The following KAZN variants were observed in gnomAD, a reference collection of about 807,000 sequenced individuals.
KAZN encodes kazrin.
A neutral mutation model predicts 87.4 loss-of-function variants in KAZN; 40 were observed. The ratio of observed to expected loss-of-function variants is 0.46; its 90% confidence interval spans 0.36 to 0.60. The LOEUF (loss-of-function observed/expected upper bound fraction) is 0.60, where lower values mean the gene tolerates loss of function less well. KAZN is among the 20% of genes least tolerant of loss of function. The pLI is 0.00. For synonymous variants in KAZN, 466 were observed against 458.3 expected (o/e 1.02, Z -0.22); for missense variants, 898 against 1,073.9 (o/e 0.84, Z 2.29).
chr1:14,123,606 GAAAT>G (rs1156509314), intron 1 of KAZN, among the ~76,000 whole-genome samples: 1 of 152,226 alleles, frequency 6.6e-6, no homozygotes, highest in Non-Finnish European at 1.5e-5. Flanking sequence ...TTCTCATTAT[GAAAT>G]AAATAGGCAA....
chr1:14,470,498 C>A (rs2148368680), intron 2 of KAZN, among the ~76,000 whole-genome samples: 1 of 152,290 alleles, frequency 6.6e-6, no homozygotes, highest in South Asian at 2.1e-4. Flanking sequence ...TTACAGTGGG[C>A]AGTTTTCTTG....
intron 1 of KAZN, among the ~76,000 whole-genome samples, chr1:14,766,515 T>C (rs940404722): frequency 6.6e-6 from 1 of 150,984 alleles, no homozygotes; most frequent in African/African-American, 2.4e-5. Context: ...GTAATCCTAG[T>C]ATATTACAGA....
intron 1 of KAZN, among the ~76,000 whole-genome samples, chr1:14,890,015 T>A (rs185840671): frequency 2.0e-5 from 3 of 152,342 alleles, no homozygotes; most frequent in Admixed American, 2.0e-4. Flanking sequence ...GGGCTTTTTA[T>A]GTCGTCAACC....
At chr1:14,502,977 T>G (rs901581324) in intron 2 of KAZN, among the ~76,000 whole-genome samples, 4 of 152,120 alleles carry the variant, frequency 2.6e-5, no homozygotes, top group Non-Finnish European at 4.4e-5. Context: ...CTCCTGTGCT[T>G]CTTCTTGGAT....
Position 14,325,713 on chromosome 1 carries a change from T to C in KAZN, c.249+145121T>C, listed in dbSNP as rs189185403. Among the ~76,000 whole-genome samples the C allele has an allele frequency of 2.7e-4, 41 of 152,272 alleles. No individual in the cohort carries two copies. The Middle Eastern group carries it at 0.01, about 38-fold the overall frequency. On this transcript the variant is annotated intron_variant, in intron 2 of 16. Transcript: ENST00000636203. ...GGTAGAAGAAAGAACTCAGCAAACTTGACGTGGGTCTCCCATTTGAGAATC... is the reference window on the plus strand; with the variant it reads ...GGTAGAAGAAAGAACTCAGCAAACTCGACGTGGGTCTCCCATTTGAGAATC...
intron 2 of KAZN, among the ~76,000 whole-genome samples, chr1:14,417,954 C>G (rs1664944800): frequency 8.3e-6 from 1 of 121,042 alleles, no homozygotes; most frequent in South Asian, 2.8e-4. Flanking sequence ...AGAAATCACA[C>G]CACTGCACTC....
intron 1 of KAZN, among the ~76,000 whole-genome samples, chr1:13,995,474 C>T (rs7549907): frequency 0.14 from 22,038 of 152,024 alleles, 1,677 homozygotes; most frequent in Middle Eastern, 0.22. Flanking sequence ...TACTTGGGAA[C>T]AGATCTAACA....
intron 2 of KAZN, among the ~76,000 whole-genome samples, chr1:14,540,100 C>T (rs546836844): frequency 3.9e-5 from 6 of 152,194 alleles, no homozygotes; most frequent in South Asian, 2.1e-4. Context: ...ACTGACAGCC[C>T]CTGGAAGTGC....
chr1:14,684,688 A>G (rs986334205), intron 1 of KAZN, among the ~76,000 whole-genome samples: 2 of 152,130 alleles, frequency 1.3e-5, no homozygotes, highest in African/African-American at 4.8e-5. Context: ...TTCAAAGCCA[A>G]CAGTGTAGCA....
chr1:14,530,357 G>T (rs558465078), intron 2 of KAZN, among the ~76,000 whole-genome samples: 2 of 152,178 alleles, frequency 1.3e-5, no homozygotes, highest in Non-Finnish European at 2.9e-5. Context: ...GCCATCAGTG[G>T]ACTGCAGCCT....
chr1:14,469,867 GTTAGCTCTTCT>G (rs146851067), intron 2 of KAZN, among the ~76,000 whole-genome samples: 4,575 of 152,236 alleles, frequency 0.03, 225 homozygotes, highest in African/African-American at 0.1. Context: ...CACTTGCCAG[GTTAGCTCTTCT>G]TTATCGGTAT....
At chr1:14,544,350 C>CTTTTTTTTTTTTTTTTTTTTT (rs374148415) in intron 2 of KAZN, among the ~76,000 whole-genome samples, 26 of 98,126 alleles carry the variant, frequency 2.6e-4, no homozygotes, top group African/African-American at 3.6e-4. Flanking sequence ...TTCTTTCTTT[C>CTTTTTTTTTTTTTTTTTTTTT]TTTTTTTTTT....
At chr1:13,923,528 G>C (rs1040182918) in intron 1 of KAZN, among the ~76,000 whole-genome samples, 6 of 143,760 alleles carry the variant, frequency 4.2e-5, no homozygotes, top group African/African-American at 1.0e-4. Flanking sequence ...AGCCGAGATC[G>C]CGCCACTGCA....
At chr1:14,702,421 T>C (rs1372761433) in intron 1 of KAZN, among the ~76,000 whole-genome samples, 1 of 151,112 alleles carries the variant, frequency 6.6e-6, no homozygotes, top group Non-Finnish European at 1.5e-5. Flanking sequence ...AGAGGTTTTA[T>C]GGCTTTAGCA....
intron 2 of KAZN, among the ~76,000 whole-genome samples, chr1:14,537,667 G>A (rs749552175): frequency 3.3e-5 from 5 of 152,198 alleles, no homozygotes; most frequent in Non-Finnish European, 5.9e-5. Context: ...CGCCAGGTTG[G>A]TGGGAAGATC....
In KAZN at chr1:14,164,059, T is replaced by G. The variant is rs115510625; in HGVS notation, c.92-16376T>G. Among the ~76,000 whole-genome samples, 1,066 of 152,302 alleles carry G rather than the reference T, an allele frequency of 7.0e-3. 8 individuals are homozygous for G. Among genetic ancestry groups the G allele is most frequent in the African/African-American group, 0.023 (975 of 41,552 alleles). On this transcript the variant is annotated intron_variant, in intron 1 of 16. Coordinates refer to the KAZN transcript ENST00000636203. ...TGAAAAGCCACCCAAATTTTTAGTGTTTTTTGTTATGGCAGAACTCTACTT... is the reference window on the plus strand; with the variant it reads ...TGAAAAGCCACCCAAATTTTTAGTGGTTTTTGTTATGGCAGAACTCTACTT...
intron 2 of KAZN, among the ~76,000 whole-genome samples, chr1:14,282,740 T>C (rs931656314): frequency 1.3e-5 from 2 of 152,206 alleles, no homozygotes; most frequent in African/African-American, 4.8e-5. Context: ...CTGCCAGGTT[T>C]CTTTTCTGCC....
chr1:14,818,318 T>C (rs1438318315), intron 1 of KAZN, among the ~76,000 whole-genome samples: 1 of 152,200 alleles, frequency 6.6e-6, no homozygotes, highest in Non-Finnish European at 1.5e-5. Flanking sequence ...TGAAAACAGA[T>C]GGCCCACTAA....
chr1:14,276,030 T>C (rs539853693), intron 2 of KAZN, among the ~76,000 whole-genome samples: 3 of 152,222 alleles, frequency 2.0e-5, no homozygotes, highest in East Asian at 1.9e-4. Context: ...GCCAATTAGA[T>C]GCACAAACAC....
Sources: allele counts gnomAD v4.1 joint callset (sites outside exome capture counted in the v4.1 genomes callset), GRCh38; gene constraint gnomAD v4.1.1; transcripts MANE v1.5; gene names NCBI Gene and HGNC (gene_info 2026-07-23, HGNC 2026-07-21).